The following GOLPH3 variants were observed in gnomAD, a reference collection of about 807,000 sequenced individuals.
GOLPH3 encodes the protein coat protein GPP34.
A neutral mutation model predicts 28.5 loss-of-function variants in GOLPH3; 14 were observed. That is an observed-to-expected ratio of 0.49 (90% CI 0.32 to 0.77). The LOEUF is 0.77. Among genes scored for constraint, GOLPH3 ranks in the 30% least tolerant of loss-of-function variants. The probability of loss-of-function intolerance (pLI) is 0.03; values close to 1 mark genes in which losing one functional copy is unlikely to be tolerated. For synonymous variants in GOLPH3, 158 were observed against 159.2 expected (o/e 0.99, Z 0.06); for missense variants, 350 against 393.7 (o/e 0.89, Z 0.94).
In GOLPH3 at chr5:32,174,148, G is replaced by C. The variant is rs895293688; in HGVS notation, c.-114C>G. ...TTTCCGTGTTAAATCCGGACGCCGG[G>C]GCGACGTCCGTCGGCAGCAGGGCCG... On this transcript the variant is annotated 5_prime_UTR_variant, in exon 1 of 4. Coordinates refer to ENST00000265070, the MANE Select transcript of GOLPH3 (RefSeq NM_022130.4). 6 of 654,032 alleles carry C rather than the reference G, an allele frequency of 9.2e-6. No homozygotes were observed. In the African/African-American group the frequency reaches 9.5e-5, roughly 10 times the overall value. 40.5% of individuals were successfully genotyped at this position (654,032 alleles called of 1,614,324 possible).
chr5:32,149,593 C>G (rs1004477707), intron 1 of GOLPH3, among the ~76,000 whole-genome samples: 3 of 152,044 alleles, frequency 2.0e-5, no homozygotes, highest in Admixed American at 6.6e-5. Flanking sequence ...AATTAAGAAT[C>G]AAAAAGTTCT....
chr5:32,173,677 C>T (rs1746901612), intron 1 of GOLPH3, 133 bp downstream of exon 1: 2 of 551,230 alleles, frequency 3.6e-6, no homozygotes, highest in Admixed American at 9.1e-5. Context: ...CTGGGCGCCA[C>T]CAGGCGCGGA....
intron 3 of GOLPH3, among the ~76,000 whole-genome samples, chr5:32,128,616 G>A (rs186660186): frequency 2.8e-4 from 42 of 152,118 alleles, no homozygotes; most frequent in African/African-American, 9.6e-4. Context: ...AGCCGAGATC[G>A]TGCCATTGCT....
chr5:32,171,307 T>G (rs939109880), intron 1 of GOLPH3, among the ~76,000 whole-genome samples: 5 of 152,114 alleles, frequency 3.3e-5, no homozygotes, highest in Non-Finnish European at 5.9e-5. Context: ...AAAAAAAATT[T>G]CATAATGTTT....
intron 1 of GOLPH3, among the ~76,000 whole-genome samples, chr5:32,145,564 A>G (rs977908194): frequency 6.6e-6 from 1 of 152,218 alleles, no homozygotes; most frequent in Non-Finnish European, 1.5e-5. Flanking sequence ...TACAAACTGT[A>G]AACAACAGAG....
At position 32,174,287 on chromosome 5, in the gene GOLPH3, A is replaced by T; in HGVS notation, c.-253T>A. 1 of 338,412 alleles carries T rather than the reference A, an allele frequency of 3.0e-6. No individual in the cohort carries two copies. The allele number at this position is 338,412 out of a possible 1,614,324, so 21.0% of individuals were successfully genotyped here. ...CAGTCCCCGAAACACCCCGAGCTCC[A>T]AGGCGGAGGCGGCGGCGGCGCCTTT... On this transcript the variant is annotated 5_prime_UTR_variant, in exon 1 of 4. Coordinates refer to ENST00000265070, the MANE Select transcript of GOLPH3 (RefSeq NM_022130.4).
intron 1 of GOLPH3, among the ~76,000 whole-genome samples, chr5:32,155,498 G>A (rs967016069): frequency 6.6e-6 from 1 of 152,102 alleles, no homozygotes; most frequent in Admixed American, 6.5e-5. Flanking sequence ...GTTTAAATAA[G>A]TGAATTGTCA....
chr5:32,147,229 CA>C (rs902647823), intron 1 of GOLPH3, among the ~76,000 whole-genome samples: 1 of 150,746 alleles, frequency 6.6e-6, no homozygotes, highest in Non-Finnish European at 1.5e-5. Flanking sequence ...AATCTAAAAG[CA>C]AAAAAAAGGG....
Position 32,153,367 on chromosome 5 carries a change from G to A in GOLPH3, c.226-9487C>T, listed in dbSNP as rs1746352698. 1.3e-5 allele frequency among the ~76,000 whole-genome samples: 2 copies of A among 149,490 alleles called. 1 individual carries two copies. The highest frequency in any genetic ancestry group is 4.2e-4 in the South Asian group (2 of 4,706). On this transcript the variant is annotated intron_variant, in intron 1 of 3. Coordinates refer to ENST00000265070, the MANE Select transcript of GOLPH3 (RefSeq NM_022130.4). ...GAAAGAATGAGGTAGAAGAAAGATG[G>A]AAATGAGACTTTTGAATATAACTTG...
In GOLPH3 at chr5:32,161,828, C is replaced by T. The variant is rs1302905287; in HGVS notation, c.225+11982G>A. Among the ~76,000 whole-genome samples, 7 of 150,518 alleles carry T rather than the reference C, an allele frequency of 4.7e-5. 1 individual carries two copies. The highest frequency in any genetic ancestry group is 1.7e-4 in the African/African-American group (7 of 40,196). ...GGACCACGAGGTCAGGAGATCAAAA[C>T]CATCCTGGCTAACACGGTGAGACCC... On this transcript the variant is annotated intron_variant, in intron 1 of 3. Transcript: ENST00000265070.
rs547528593 is a variant in GOLPH3 at position 32,154,116 on chromosome 5, G to A, written c.226-10236C>T. On this transcript the variant is annotated intron_variant, in intron 1 of 3. Coordinates refer to ENST00000265070, the MANE Select transcript of GOLPH3 (RefSeq NM_022130.4). ...ATCAAGAAGAGTAATTAATATAAGTGAATGAAACACAATGAATATATATAA... is the reference window on the plus strand; with the variant it reads ...ATCAAGAAGAGTAATTAATATAAGTAAATGAAACACAATGAATATATATAA... 3.9e-5 allele frequency among the ~76,000 whole-genome samples: 6 copies of A among 152,162 alleles called. No homozygotes were observed. The South Asian group carries it at 1.0e-3, about 26-fold the overall frequency.
chr5:32,130,354 A>G (rs951306256), intron 3 of GOLPH3, among the ~76,000 whole-genome samples: 19 of 152,178 alleles, frequency 1.2e-4, no homozygotes, highest in African/African-American at 4.6e-4. Context: ...ACTTACATAA[A>G]AGCCTATTTA....
At chr5:32,154,279 A>C (rs1409481001) in intron 1 of GOLPH3, among the ~76,000 whole-genome samples, 1 of 152,268 alleles carries the variant, frequency 6.6e-6, no homozygotes, top group Non-Finnish European at 1.5e-5. Flanking sequence ...TTTTAAGTGC[A>C]TAAAATGCAC....
intron 2 of GOLPH3, among the ~76,000 whole-genome samples, chr5:32,142,727 C>T (rs1380549917): frequency 6.8e-6 from 1 of 147,166 alleles, no homozygotes; most frequent in African/African-American, 2.6e-5. Context: ...CCTGGCCAGC[C>T]GCCCCGTCCG....
At chr5:32,156,167 T>C (rs569236677) in intron 1 of GOLPH3, among the ~76,000 whole-genome samples, 67 of 151,846 alleles carry the variant, frequency 4.4e-4, no homozygotes, top group Non-Finnish European at 7.1e-4. Flanking sequence ...AATTTCTTGT[T>C]CTTGAACTTC....
chr5:32,145,706 T>C (rs943343101), intron 1 of GOLPH3, among the ~76,000 whole-genome samples: 7 of 152,210 alleles, frequency 4.6e-5, no homozygotes, highest in African/African-American at 1.4e-4. Flanking sequence ...CCTAGAGTAA[T>C]GGCATACCCA....
At chr5:32,142,705 A>C (rs1429545302) in intron 2 of GOLPH3, among the ~76,000 whole-genome samples, 2 of 95,522 alleles carry the variant, frequency 2.1e-5, no homozygotes, top group Admixed American at 1.1e-4. Flanking sequence ...AGGTGGGGGG[A>C]TCAGCCCCCC....
At chr5:32,142,195 T>G (rs1746083677) in intron 2 of GOLPH3, among the ~76,000 whole-genome samples, 1 of 149,102 alleles carries the variant, frequency 6.7e-6, no homozygotes, top group Non-Finnish European at 1.5e-5. Context: ...ATCTGGGAAG[T>G]GAGGAGCGTC....
rs70961610 is a variant in GOLPH3, at chr5:32,158,132, T to TACACACAC, written c.226-14260_226-14253dup. Among the ~76,000 whole-genome samples, 27 of 33,682 alleles carry TACACACAC rather than the reference T, an allele frequency of 8.0e-4. 3 individuals carry two copies. The highest frequency in any genetic ancestry group is 4.3e-3 in the Admixed American group (13 of 3,030). The allele number at this position is 33,682 out of a possible 152,430, so 22.1% of individuals were successfully genotyped here. On this transcript the variant is annotated intron_variant, in intron 1 of 3. Coordinates refer to ENST00000265070, the MANE Select transcript of GOLPH3 (RefSeq NM_022130.4). Reference sequence around the variant, plus strand: ...TAAATAAATAAATAAATAAATAAAATACACACACACACACACACACACACA... The same window carrying TACACACAC: ...TAAATAAATAAATAAATAAATAAAATACACACACACACACACACACACACACACACACA...
Sources: gnomAD v4.1 joint callset for allele counts (sites outside exome capture counted in the v4.1 genomes callset) on GRCh38, gnomAD v4.1.1 for gene constraint, MANE v1.5 for transcripts, NCBI Gene and HGNC (gene_info 2026-07-23, HGNC 2026-07-21) for gene names.